The following FMNL2 variants were observed in gnomAD, a reference collection of about 807,000 sequenced individuals.
FMNL2 encodes formin like 2, also known as formin-like protein 2.
FMNL2 carries 51 observed loss-of-function variants against 130.2 expected under a neutral mutation model. That is an observed-to-expected ratio of 0.39 (90% CI 0.31 to 0.49). The LOEUF is 0.49. Among genes scored for constraint, FMNL2 ranks in the 20% least tolerant of loss-of-function variants. The pLI is 0.85. For missense variants in FMNL2, 977 were observed against 1,316.2 expected, an observed-to-expected ratio of 0.74 and a Z score of 3.99; for synonymous variants, 465 against 467.1, an observed-to-expected ratio of 1.00 and a Z score of 0.06.
At chr2:152,490,570 TG>T (rs1201966937) in intron 1 of FMNL2, among the ~76,000 whole-genome samples, 2 of 2,046 alleles carry the variant, frequency 9.8e-4, no homozygotes, top group Non-Finnish European at 4.0e-3. Flanking sequence ...TGCTATCCAA[TG>T]TGTGTGTGTG....
chr2:152,346,794 C>T (rs1466650126), intron 1 of FMNL2, among the ~76,000 whole-genome samples: 1 of 152,048 alleles, frequency 6.6e-6, no homozygotes, highest in Non-Finnish European at 1.5e-5. Flanking sequence ...TTTTCATGGC[C>T]AGGCACGGTG....
At chr2:152,590,009 A>ATG (rs1558988595) in intron 9 of FMNL2, among the ~76,000 whole-genome samples, 17 of 121,624 alleles carry the variant, frequency 1.4e-4, no homozygotes, top group African/African-American at 5.0e-4. Context: ...ATATATATAT[A>ATG]CATATACATA....
chr2:152,543,679 T>C (rs2678302), intron 3 of FMNL2, among the ~76,000 whole-genome samples: 13,816 of 147,210 alleles, frequency 0.094, 953 homozygotes, highest in Admixed American at 0.2. Flanking sequence ...AAAATCTTTT[T>C]CTTTATCTTC....
intron 1 of FMNL2, among the ~76,000 whole-genome samples, chr2:152,461,299 A>G (rs1689227896): frequency 1.3e-5 from 2 of 152,234 alleles, no homozygotes; most frequent in Admixed American, 6.5e-5. Context: ...TTAACCCAGT[A>G]TATTAAAATA....
chr2:152,428,950 G>A (rs1053800746), intron 1 of FMNL2, among the ~76,000 whole-genome samples: 2 of 152,136 alleles, frequency 1.3e-5, no homozygotes, highest in African/African-American at 4.8e-5. Flanking sequence ...TCACTTACAA[G>A]TGGGAGCTAA....
chr2:152,565,057 C>T (rs11892322), intron 6 of FMNL2, among the ~76,000 whole-genome samples: 3,088 of 152,066 alleles, frequency 0.02, 90 homozygotes, highest in African/African-American at 0.068. Flanking sequence ...TCTGTCAGTG[C>T]GGCTACAGAG....
intron 9 of FMNL2, among the ~76,000 whole-genome samples, chr2:152,588,730 G>T (rs2105760893): frequency 6.6e-6 from 1 of 152,184 alleles, no homozygotes; most frequent in East Asian, 1.9e-4. Flanking sequence ...CATGGGAAGA[G>T]AAAAATTGGG....
chr2:152,642,146 T>C (rs905396911), intron 25 of FMNL2, among the ~76,000 whole-genome samples: 1 of 152,154 alleles, frequency 6.6e-6, no homozygotes, highest in African/African-American at 2.4e-5. Context: ...TTCACCGTGT[T>C]AGCCAGGATG....
At chr2:152,470,553 A>G (rs926170014) in intron 1 of FMNL2, among the ~76,000 whole-genome samples, 3 of 152,216 alleles carry the variant, frequency 2.0e-5, no homozygotes, top group Non-Finnish European at 1.5e-5. Context: ...ACAAAATGAC[A>G]TTAGATATTA....
intron 1 of FMNL2, among the ~76,000 whole-genome samples, chr2:152,460,329 A>G (rs1689170625): frequency 6.6e-6 from 1 of 152,224 alleles, no homozygotes; most frequent in South Asian, 2.1e-4. Flanking sequence ...AGCAGCCATT[A>G]TATGGTACTG....
intron 1 of FMNL2, among the ~76,000 whole-genome samples, chr2:152,448,837 A>G (rs1688489615): frequency 6.6e-6 from 1 of 152,250 alleles, no homozygotes. Context: ...TCCCTCAGAT[A>G]GCTGATTACA....
In FMNL2 at chr2:152,499,971, C is replaced by G. The variant is rs542287827; in HGVS notation, c.118-21972C>G. 2.6e-5 allele frequency among the ~76,000 whole-genome samples: 4 copies of G among 152,236 alleles called. No individual in the cohort carries two copies. In the South Asian group the frequency reaches 6.2e-4, roughly 24 times the overall value. On this transcript the variant is annotated intron_variant, in intron 1 of 25. Transcript: ENST00000288670. ...TTCTGAGTTTCTTTCTCTTTTTCCT[C>G]TAGCCTGGAGGAAGTCTGTCTGCTT...
intron 1 of FMNL2, among the ~76,000 whole-genome samples, chr2:152,512,480 C>T (rs1285154894): frequency 6.6e-6 from 1 of 152,162 alleles, no homozygotes; most frequent in Non-Finnish European, 1.5e-5. Flanking sequence ...GCTATAGCTG[C>T]ACCCTTTTGT....
chr2:152,590,980 C>CTTTT lies in FMNL2; in HGVS notation c.876+9972_876+9975dup, dbSNP rs1158391663. Among the ~76,000 whole-genome samples, 23 of 65,784 alleles carry CTTTT rather than the reference C, an allele frequency of 3.5e-4. 1 individual carries two copies. Among genetic ancestry groups the CTTTT allele is most frequent in the Non-Finnish European group, 4.9e-4 (19 of 38,584 alleles). The allele number at this position is 65,784 out of a possible 152,430, so 43.2% of individuals were successfully genotyped here. A position where few individuals can be genotyped will look rare whatever the true frequency, so the allele number is the denominator to read the frequency against. ...CAGAGTTAGATTTTCCCTCTGATAA[C>CTTTT]TTTTTTTTTTTTTTTTTTTTTTTTT... On this transcript the variant is annotated intron_variant, in intron 9 of 25. Coordinates refer to ENST00000288670, the MANE Select transcript of FMNL2 (RefSeq NM_052905.4).
intron 1 of FMNL2, among the ~76,000 whole-genome samples, chr2:152,404,362 G>A (rs187704145): frequency 1.6e-3 from 249 of 152,164 alleles, no homozygotes; most frequent in Middle Eastern, 3.4e-3. Flanking sequence ...GCATTGCAGT[G>A]GTTCACAGGC....
chr2:152,371,515 A>G (rs1424666244), intron 1 of FMNL2, among the ~76,000 whole-genome samples: 1 of 151,856 alleles, frequency 6.6e-6, no homozygotes, highest in Non-Finnish European at 1.5e-5. Context: ...CTAAAAGTAC[A>G]AAAATTAGCT....
intron 25 of FMNL2, among the ~76,000 whole-genome samples, chr2:152,642,418 C>T (rs1273483810): frequency 6.6e-6 from 1 of 152,208 alleles, no homozygotes; most frequent in Non-Finnish European, 1.5e-5. Context: ...CAGATTAAAG[C>T]AGTGTAGGTC....
intron 9 of FMNL2, among the ~76,000 whole-genome samples, chr2:152,599,667 G>T (rs1183329739): frequency 6.6e-6 from 1 of 152,070 alleles, no homozygotes; most frequent in Non-Finnish European, 1.5e-5. Flanking sequence ...AGGGTGTTTA[G>T]CATTATGCGA....
chr2:152,344,479 A>G (rs1308518214), intron 1 of FMNL2, among the ~76,000 whole-genome samples: 1 of 152,256 alleles, frequency 6.6e-6, no homozygotes, highest in Admixed American at 6.5e-5. Context: ...AGTTAAAAAA[A>G]TGAAAGATAT....
Sources: gnomAD v4.1 joint callset for allele counts (sites outside exome capture counted in the v4.1 genomes callset) on GRCh38, gnomAD v4.1.1 for gene constraint, MANE v1.5 for transcripts, NCBI Gene and HGNC (gene_info 2026-07-23, HGNC 2026-07-21) for gene names.